NCOA3: variants seen among roughly 807,000 people sequenced by gnomAD.
NCOA3 encodes CBP-interacting protein.
In NCOA3, 51 loss-of-function variants were observed where a neutral mutation model predicts 158.8. The observed-to-expected ratio is 0.32, with a 90% CI of 0.26 to 0.41. NCOA3 has a LOEUF of 0.41. Ranked by LOEUF, NCOA3 falls within the 10% of genes least tolerant of loss-of-function variation. The pLI is 1.00. For synonymous variants in NCOA3, 537 were observed against 592.4 expected (o/e 0.91, Z 1.36); for missense variants, 1,510 against 1,746.6 (o/e 0.86, Z 2.41).
chr20:47,580,755 T>G (rs1013702775), intron 1 of NCOA3, among the ~76,000 whole-genome samples: 1 of 152,098 alleles, frequency 6.6e-6, no homozygotes, highest in African/African-American at 2.4e-5. Flanking sequence ...CTACCTTTTC[T>G]CCGTTCATCT....
At chr20:47,594,723 CTGGGCA>C (rs1371254809) in intron 2 of NCOA3, among the ~76,000 whole-genome samples, 2 of 139,584 alleles carry the variant, frequency 1.4e-5, no homozygotes, top group Non-Finnish European at 3.1e-5. Context: ...CATGATATTG[CTGGGCA>C]CGGTGGCTCA....
intron 1 of NCOA3, among the ~76,000 whole-genome samples, chr20:47,576,492 A>C (rs2085374082): frequency 6.6e-6 from 1 of 152,196 alleles, no homozygotes; most frequent in Non-Finnish European, 1.5e-5. Flanking sequence ...CTCAGATTTC[A>C]AGAAGAAAGA....
chr20:47,601,409 GGT>G (rs1428815005), intron 2 of NCOA3, among the ~76,000 whole-genome samples: 1 of 152,204 alleles, frequency 6.6e-6, no homozygotes, highest in African/African-American at 2.4e-5. Flanking sequence ...AAAGACCAAA[GGT>G]TATGGCGGTT....
At position 47,636,636 on chromosome 20, in the gene NCOA3, A is replaced by C; in HGVS notation, c.2250A>C (p.Ala750=). Residue 750 remains alanine (A), a synonymous_variant, in exon 12 of 23, where the codon GCA becomes GCC. Coordinates refer to ENST00000371998, the MANE Select transcript of NCOA3 (RefSeq NM_181659.3). Reference sequence around the variant, plus strand: ...TGGACAGGGATGATCCTAGTGATGCACTCTCTAAAGAACTACAGCCCCAAG... The same window carrying C: ...TGGACAGGGATGATCCTAGTGATGCCCTCTCTAAAGAACTACAGCCCCAAG... The part of the protein sequence containing the change: ...YLLDRDDPSD[A]LSKELQPQVE... 1 of 1,614,164 alleles carries C rather than the reference A, an allele frequency of 6.2e-7. No individual in the cohort carries two copies. Among genetic ancestry groups the C allele is most frequent in the Non-Finnish European group, 8.5e-7 (1 of 1,180,030 alleles).
chr20:47,612,431 C>A (rs535167671), intron 2 of NCOA3, among the ~76,000 whole-genome samples: 1 of 151,744 alleles, frequency 6.6e-6, no homozygotes, highest in South Asian at 2.1e-4. Context: ...TTGGGAGAGT[C>A]GGGGATGGTT....
At chr20:47,636,875 C>T (rs1831811679) in intron 12 of NCOA3, 113 bp downstream of exon 12, 1 of 945,012 alleles carries the variant, frequency 1.1e-6, no homozygotes, top group Admixed American at 3.0e-5. Context: ...AAATCTTTAG[C>T]TCTCATTTCT....
intron 2 of NCOA3, among the ~76,000 whole-genome samples, chr20:47,596,091 C>A (rs900889702): frequency 6.6e-6 from 1 of 152,284 alleles, no homozygotes; most frequent in South Asian, 2.1e-4. Flanking sequence ...AACTGAAGAA[C>A]GGGACGGTCA....
At position 47,608,662 on chromosome 20, in the gene NCOA3, G is replaced by T. The variant is rs528159255; in HGVS notation, c.-19-13567G>T. On this transcript the variant is annotated intron_variant, in intron 2 of 22. Transcript: ENST00000371998. ...CTCCAAAAAAAAAAAAAAAAAAAAG[G>T]TGAATGTTTCTTAAGTTTTAATTTC... 6.1e-5 allele frequency among the ~76,000 whole-genome samples: 9 copies of T among 148,128 alleles called. No homozygotes were observed. The South Asian group carries it at 1.9e-3, about 32-fold the overall frequency.
At chr20:47,630,220 C>T (rs1335818032) in intron 8 of NCOA3, 2 of 152,094 alleles carry the variant, frequency 1.3e-5, no homozygotes, top group Non-Finnish European at 2.9e-5. Flanking sequence ...CCCTAGTCTC[C>T]CCCTGCTACT....
chr20:47,503,762 A>T lies in NCOA3; in HGVS notation c.-99+1743A>T, dbSNP rs148540332. On this transcript the variant is annotated intron_variant, in intron 1 of 22. Coordinates refer to ENST00000371998, the MANE Select transcript of NCOA3 (RefSeq NM_181659.3). ...AACTCTGCCAGGGTTCATTGTTTGT[A>T]TGTACAATGAATCCTCTGCTTGTAA... Among the ~76,000 whole-genome samples, 7 of 152,308 alleles carry T rather than the reference A, an allele frequency of 4.6e-5. No homozygotes were observed. The East Asian group carries it at 7.7e-4, about 17-fold the overall frequency.
At chr20:47,572,518 A>C (rs1277131815) in intron 1 of NCOA3, among the ~76,000 whole-genome samples, 1 of 151,756 alleles carries the variant, frequency 6.6e-6, no homozygotes, top group Admixed American at 6.6e-5. Context: ...CACTAAGCTT[A>C]ATCATTTCTA....
At chr20:47,649,234 G>A (rs2086741411) in intron 19 of NCOA3, 125 bp downstream of exon 19, 1 of 562,644 alleles carries the variant, frequency 1.8e-6, no homozygotes, top group African/African-American at 1.9e-5. Context: ...GTGTAAGAAA[G>A]CAGTCGCATT....
Position 47,655,441 on chromosome 20 carries a change from TG to T in NCOA3, c.*2025del, listed in dbSNP as rs942123636. The T allele has an allele frequency of 1.6e-4, 25 of 152,350 alleles. No individual in the cohort carries two copies. The highest frequency in any genetic ancestry group is 6.0e-4 in the African/African-American group (25 of 41,462). The allele number at this position is 152,350 out of a possible 1,614,324, so 9.4% of individuals were successfully genotyped here. ...TGAAGGTAAGATCATTTAATATCTT[TG>T]ATATGCTTACGAGTAAGTGAATCCT... On this transcript the variant is annotated 3_prime_UTR_variant, in exon 23 of 23. Transcript: ENST00000371998.
intron 16 of NCOA3, among the ~76,000 whole-genome samples, chr20:47,641,917 C>T (rs981282960): frequency 6.6e-6 from 1 of 152,062 alleles, no homozygotes; most frequent in Non-Finnish European, 1.5e-5. Flanking sequence ...CCTACCCTCC[C>T]CCTGGCCCCC....
chr20:47,609,317 A>G (rs1042398417), intron 2 of NCOA3, among the ~76,000 whole-genome samples: 5 of 152,184 alleles, frequency 3.3e-5, no homozygotes, highest in Non-Finnish European at 5.9e-5. Flanking sequence ...CACTCTTAAG[A>G]TACTTGGTGA....
intron 1 of NCOA3, among the ~76,000 whole-genome samples, chr20:47,532,393 C>T (rs1478931149): frequency 2.0e-5 from 3 of 149,484 alleles, no homozygotes; most frequent in Non-Finnish European, 4.4e-5. Context: ...ACGTAAGTAG[C>T]AAGAGAAATC....
chr20:47,650,811 C>T (rs1257367328), intron 19 of NCOA3, among the ~76,000 whole-genome samples, 171 bp from the exon 20 acceptor site: 3 of 151,698 alleles, frequency 2.0e-5, no homozygotes, highest in Non-Finnish European at 2.9e-5. Flanking sequence ...TGCTGTGAGG[C>T]GAGATTGTGC....
At position 47,525,556 on chromosome 20, in the gene NCOA3, C is replaced by A. The variant is rs1484606399; in HGVS notation, c.-99+23537C>A. Among the ~76,000 whole-genome samples, 8 of 118,264 alleles carry A rather than the reference C, an allele frequency of 6.8e-5. 1 individual carries two copies. Among genetic ancestry groups the A allele is most frequent in the Non-Finnish European group, 1.5e-4 (8 of 53,484 alleles). 77.6% of individuals were successfully genotyped at this position (118,264 alleles called of 152,430 possible). On this transcript the variant is annotated intron_variant, in intron 1 of 22. Transcript: ENST00000371998. ...CTCCTGGACGGGGCGGCTGGCCGGA[C>A]GGGGGGCTGACCCCCCCCACCTCCC...
chr20:47,586,674 A>G (rs1039805406), intron 2 of NCOA3, among the ~76,000 whole-genome samples: 1 of 152,118 alleles, frequency 6.6e-6, no homozygotes, highest in African/African-American at 2.4e-5. Context: ...TTTTCCTGGG[A>G]TATTTTCACA....
Sources: allele counts gnomAD v4.1 joint callset (sites outside exome capture counted in the v4.1 genomes callset), GRCh38; gene constraint gnomAD v4.1.1; transcripts MANE v1.5; gene names NCBI Gene and HGNC (gene_info 2026-07-23, HGNC 2026-07-21).